The following ZNF185 variants were observed in gnomAD, a reference collection of about 807,000 sequenced individuals.
ZNF185 encodes zinc finger protein 185 with LIM domain.
A neutral mutation model predicts 58.6 loss-of-function variants in ZNF185; 56 were observed. The observed-to-expected ratio is 0.95, with a 90% CI of 0.77 to 1.19. The LOEUF is 1.19. Ranked by LOEUF, ZNF185 falls within the 50% of genes most tolerant of loss-of-function variation. The pLI, the probability that ZNF185 is intolerant of heterozygous loss-of-function variation, is 0.00. For synonymous variants in ZNF185, 230 were observed against 215.9 expected (o/e 1.07, Z -0.57); for missense variants, 627 against 573.5 (o/e 1.09, Z -0.95).
intron 16 of ZNF185, among the ~76,000 whole-genome samples, chrX:152,945,790 G>C (rs2047727423): frequency 8.9e-6 from 1 of 111,835 alleles, no homozygotes; most frequent in Non-Finnish European, 1.9e-5. Flanking sequence ...TGGGGGTCCT[G>C]GGCAGAGTGA....
At chrX:152,947,039 T>C (rs11797405) in intron 16 of ZNF185, among the ~76,000 whole-genome samples, 5,044 of 111,869 alleles carry the variant, frequency 0.045, 121 homozygotes, top group Non-Finnish European at 0.071. Context: ...GACTGTTTGC[T>C]TACACCAGGG....
rs146559930 is a variant in ZNF185, at chrX:152,962,799, C to T, written c.1608-1040C>T. Among the ~76,000 whole-genome samples the T allele has an allele frequency of 8.6e-4, 97 of 112,560 alleles. No individual in the cohort carries two copies. In the East Asian group the frequency reaches 0.013, roughly 15 times the overall value. ...CAGGGGAACTGCAGGCTGGTCTGTA[C>T]GGCTTGAGTGGCACGTGATACAGTT... On this transcript the variant is annotated intron_variant, in intron 17 of 22. Transcript: ENST00000449285.
upstream of ZNF185, among the ~76,000 whole-genome samples, chrX:152,913,574 G>C (rs1345007771): frequency 8.9e-6 from 1 of 112,712 alleles, no homozygotes; most frequent in African/African-American, 3.2e-5. Context: ...CAAGGCAGCT[G>C]TGGGCCAGGG....
rs12848571 is a variant in ZNF185, at chrX:152,958,744, A to G, written c.1410-955A>G. Among the ~76,000 whole-genome samples, 1,087 of 109,521 alleles carry G rather than the reference A, an allele frequency of 9.9e-3. 12 individuals are homozygous for G. Among genetic ancestry groups the G allele is most frequent in the African/African-American group, 0.031 (913 of 29,749 alleles). On this transcript the variant is annotated intron_variant, in intron 16 of 22. Coordinates refer to ENST00000449285, the Ensembl canonical transcript of ZNF185. Reference sequence around the variant, plus strand: ...GAAACTCCGTCTCAAAAAAAAAAAAAGGGGGGCAGGGGATGAAAATGCTAT... The same window carrying G: ...GAAACTCCGTCTCAAAAAAAAAAAAGGGGGGGCAGGGGATGAAAATGCTAT...
chrX:152,900,277 A>C, the ZNF185 span, among the ~76,000 whole-genome samples: 1 of 112,719 alleles, frequency 8.9e-6, no homozygotes, highest in African/African-American at 3.2e-5. Context: ...TTGCATGCCA[A>C]GCAAACTCCC....
chrX:152,962,937 A>G (rs1227059441), intron 17 of ZNF185, among the ~76,000 whole-genome samples: 3 of 113,157 alleles, frequency 2.7e-5, no homozygotes, highest in African/African-American at 9.6e-5. Context: ...CAAGGGGACA[A>G]TACCCAGTAG....
At chrX:152,959,579 C>T in intron 16 of ZNF185, 120 bp from the exon 19 acceptor site, 1 of 814,417 alleles carries the variant, frequency 1.2e-6, no homozygotes, top group South Asian at 2.8e-5. Flanking sequence ...CCTGTCTGCC[C>T]CACTCTTGGG....
intron 17 of ZNF185, 30 bp downstream of exon 19, chrX:152,959,926 C>G (rs2049291231): frequency 8.5e-7 from 1 of 1,177,796 alleles, no homozygotes; most frequent in African/African-American, 1.8e-5. Context: ...GGGACCTTAC[C>G]TGCTAGAGCC....
At chrX:152,924,482 T>C (rs782460153) in intron 11 of ZNF185, among the ~76,000 whole-genome samples, 75 of 111,215 alleles carry the variant, frequency 6.7e-4, no homozygotes, top group African/African-American at 2.5e-3. Flanking sequence ...AACAACTGTA[T>C]TTTAACTTAG....
At chrX:152,953,516 C>T (rs1556901848) in intron 16 of ZNF185, among the ~76,000 whole-genome samples, 1 of 110,865 alleles carries the variant, frequency 9.0e-6, no homozygotes, top group Admixed American at 9.6e-5. Context: ...GGTAACATAG[C>T]GAGACTCCTA....
upstream of ZNF185, among the ~76,000 whole-genome samples, chrX:152,912,227 C>A (rs782397639): frequency 6.2e-5 from 7 of 112,523 alleles, no homozygotes; most frequent in Non-Finnish European, 1.3e-4. Context: ...AGCACCAGCC[C>A]TGGTCTTTGT....
At chrX:152,958,069 GTGT>G (rs782261744) in intron 16 of ZNF185, among the ~76,000 whole-genome samples, 185 of 112,205 alleles carry the variant, frequency 1.6e-3, no homozygotes, top group African/African-American at 5.7e-3. Context: ...GCACTTCAGT[GTGT>G]TGTTGTTCAT....
chrX:152,907,341 T>C, the ZNF185 span, among the ~76,000 whole-genome samples: 3 of 113,051 alleles, frequency 2.7e-5, no homozygotes, highest in Non-Finnish European at 5.6e-5. Flanking sequence ...TTCAGCCACC[T>C]CATTGGCTCC....
intron 15 of ZNF185, among the ~76,000 whole-genome samples, chrX:152,938,891 TCAGGCGATCTC>T (rs1387086873): frequency 8.3e-5 from 7 of 84,604 alleles, no homozygotes; most frequent in African/African-American, 4.0e-4. Context: ...AAAAGGCAAC[TCAGGCGATCTC>T]CTCTAAAGAG....
At chrX:152,950,619 T>G (rs2048209739) in intron 16 of ZNF185, among the ~76,000 whole-genome samples, 1 of 112,011 alleles carries the variant, frequency 8.9e-6, no homozygotes, top group South Asian at 3.7e-4. Context: ...TTATACAATA[T>G]TAAATAAGAC....
In ZNF185 at chrX:152,937,670, TTACA is replaced by T. The variant is rs782245490; in HGVS notation, c.1122-401_1122-398del. On this transcript the variant is annotated intron_variant, in intron 14 of 22. Coordinates refer to ENST00000449285, the Ensembl canonical transcript of ZNF185. ...TAGTGGTTTAGAGCCAAGTATGAAC[TTACA>T]TAAACAGGTTATATAAGAAGTGGAG... is the stretch of plus-strand genomic sequence containing the variant. Among the ~76,000 whole-genome samples the T allele has an allele frequency of 7.6e-4, 85 of 112,527 alleles. No individual in the cohort carries two copies. In the South Asian group the frequency reaches 0.013, roughly 17 times the overall value.
Position 152,935,931 on chromosome X carries a change from C to T in ZNF185, c.1122-2143C>T, listed in dbSNP as rs2046228712. On this transcript the variant is annotated intron_variant, in intron 14 of 22. Transcript: ENST00000449285. ...TGAGAAGGTTGGGTAAGACATTCCC[C>T]ACTAAATCCATATTGAGTGGGTGAA... Among the ~76,000 whole-genome samples the T allele has an allele frequency of 2.7e-5, 3 of 111,793 alleles. No homozygotes were observed. In the Admixed American group the frequency reaches 2.8e-4, roughly 11 times the overall value.
At chrX:152,941,748 C>G in intron 15 of ZNF185, 4 of 1,165,380 alleles carry the variant, frequency 3.4e-6, no homozygotes, top group Non-Finnish European at 4.6e-6. Flanking sequence ...CGGGGATTCT[C>G]TTGAGGCCAT....
chrX:152,959,929 C>T, intron 17 of ZNF185, 33 bp downstream of exon 19: 1 of 1,177,212 alleles, frequency 8.5e-7, no homozygotes, highest in Non-Finnish European at 1.1e-6. Context: ...ACCTTACCTG[C>T]TAGAGCCAGT....
Sources: gnomAD v4.1 joint callset for allele counts (sites outside exome capture counted in the v4.1 genomes callset) on GRCh38, gnomAD v4.1.1 for gene constraint, MANE v1.5 for transcripts, NCBI Gene and HGNC (gene_info 2026-07-23, HGNC 2026-07-21) for gene names.